The following GUCY1A2 variants were observed in gnomAD, a reference collection of about 807,000 sequenced individuals.
The protein encoded by GUCY1A2 is guanylate cyclase soluble subunit alpha-2.
Under a neutral mutation model 63.5 loss-of-function variants are expected in GUCY1A2, and 27 were observed. The ratio of observed to expected loss-of-function variants is 0.43; its 90% CI spans 0.31 to 0.59. The LOEUF (loss-of-function observed/expected upper bound fraction) is 0.59. Among genes scored for constraint, GUCY1A2 ranks in the 20% least tolerant of loss-of-function variants. The probability of loss-of-function intolerance (pLI) is 0.11; values close to 1 mark genes in which losing one functional copy is unlikely to be tolerated. For synonymous variants in GUCY1A2, 364 were observed against 343.5 expected (o/e 1.06, Z -0.66); for missense variants, 768 against 913.3 (o/e 0.84, Z 2.05).
At chr11:106,801,374 G>C (rs1407572395) in intron 5 of GUCY1A2, among the ~76,000 whole-genome samples, 1 of 152,060 alleles carries the variant, frequency 6.6e-6, no homozygotes, top group Non-Finnish European at 1.5e-5. Context: ...ATTTGTCAAA[G>C]TTGTTGGAGA....
At chr11:106,870,172 T>G (rs1434085811) in intron 4 of GUCY1A2, among the ~76,000 whole-genome samples, 1 of 151,032 alleles carries the variant, frequency 6.6e-6, no homozygotes, top group Non-Finnish European at 1.5e-5. Flanking sequence ...AGTTAATGGG[T>G]GTTGCACACC....
intron 6 of GUCY1A2, among the ~76,000 whole-genome samples, chr11:106,760,599 T>C (rs1356200212): frequency 6.6e-6 from 1 of 152,148 alleles, no homozygotes; most frequent in Non-Finnish European, 1.5e-5. Context: ...TGGTAACAAA[T>C]AGAAGAAATG....
intron 7 of GUCY1A2, among the ~76,000 whole-genome samples, chr11:106,703,528 T>C (rs931263530): frequency 1.4e-5 from 2 of 143,400 alleles, no homozygotes; most frequent in African/African-American, 2.9e-5. Context: ...GCTTTGATGA[T>C]GGAAGAAGAA....
chr11:106,701,204 T>A (rs1429333288), intron 7 of GUCY1A2, among the ~76,000 whole-genome samples: 6 of 152,148 alleles, frequency 3.9e-5, no homozygotes, highest in African/African-American at 1.4e-4. Flanking sequence ...TACAAAATGT[T>A]TTTTAGCCTC....
intron 1 of GUCY1A2, among the ~76,000 whole-genome samples, chr11:106,997,636 G>A (rs3100765): frequency 0.76 from 97,268 of 127,148 alleles, 35,380 homozygotes; most frequent in African/African-American, 0.9. Context: ...CCCCACCCGA[G>A]CAAGACTATA....
intron 7 of GUCY1A2, among the ~76,000 whole-genome samples, chr11:106,703,142 C>T (rs764200200): frequency 2.0e-5 from 3 of 152,154 alleles, no homozygotes; most frequent in African/African-American, 4.8e-5. Context: ...TGCCCTTGAA[C>T]ATTGGACTCC....
intron 3 of GUCY1A2, among the ~76,000 whole-genome samples, chr11:106,955,015 G>A (rs1489232962): frequency 1.3e-5 from 2 of 150,296 alleles, no homozygotes; most frequent in East Asian, 3.9e-4. Context: ...TTTTGCTCTT[G>A]TTGCCCAGGC....
intron 1 of GUCY1A2, among the ~76,000 whole-genome samples, chr11:107,013,339 C>A (rs1423223012): frequency 1.3e-5 from 2 of 152,180 alleles, no homozygotes; most frequent in African/African-American, 4.8e-5. Flanking sequence ...CTGACACCAG[C>A]AAACCCAAAA....
chr11:106,956,361 T>C (rs531110910), intron 3 of GUCY1A2, among the ~76,000 whole-genome samples: 2 of 152,170 alleles, frequency 1.3e-5, no homozygotes, highest in African/African-American at 2.4e-5. Context: ...CTCTGGCCTT[T>C]TGGGTTTACA....
intron 6 of GUCY1A2, among the ~76,000 whole-genome samples, chr11:106,760,110 G>A (rs1227658404): frequency 1.3e-5 from 2 of 152,120 alleles, no homozygotes; most frequent in South Asian, 2.1e-4. Context: ...AAATAAAACG[G>A]CCAACACGTT....
chr11:106,887,642 C>T (rs1460219964), intron 4 of GUCY1A2, among the ~76,000 whole-genome samples: 1 of 152,170 alleles, frequency 6.6e-6, no homozygotes, highest in African/African-American at 2.4e-5. Context: ...ACTATTGAGT[C>T]CCTTATTCCT....
At chr11:106,845,879 G>C (rs916639480) in intron 4 of GUCY1A2, among the ~76,000 whole-genome samples, 5 of 151,552 alleles carry the variant, frequency 3.3e-5, no homozygotes, top group African/African-American at 1.2e-4. Context: ...AATTACCAAA[G>C]GAAAGTTTTC....
intron 4 of GUCY1A2, among the ~76,000 whole-genome samples, chr11:106,924,771 G>A (rs567070461): frequency 1.3e-5 from 2 of 152,190 alleles, no homozygotes; most frequent in South Asian, 4.1e-4. Flanking sequence ...TTGGGAGGTC[G>A]AGGAGGGTGG....
intron 6 of GUCY1A2, among the ~76,000 whole-genome samples, chr11:106,731,183 A>C (rs185481896): frequency 3.1e-4 from 47 of 152,202 alleles, no homozygotes; most frequent in Non-Finnish European, 4.9e-4. Flanking sequence ...TTATGTCTGA[A>C]ATGGTATTTC....
intron 6 of GUCY1A2, among the ~76,000 whole-genome samples, chr11:106,769,692 C>G (rs1864222567): frequency 6.6e-6 from 1 of 152,006 alleles, no homozygotes; most frequent in Non-Finnish European, 1.5e-5. Flanking sequence ...CAATAGAACA[C>G]TGACTTATGA....
intron 1 of GUCY1A2, among the ~76,000 whole-genome samples, chr11:107,017,523 C>A (rs960542286): frequency 5.9e-5 from 9 of 152,194 alleles, no homozygotes; most frequent in African/African-American, 2.2e-4. Flanking sequence ...AATCAGGATA[C>A]CCCAAAGGAG....
At chr11:106,689,519 G>GA (rs1410957264) in intron 7 of GUCY1A2, among the ~76,000 whole-genome samples, 6 of 151,710 alleles carry the variant, frequency 4.0e-5, no homozygotes, top group South Asian at 4.2e-4. Context: ...AAATTTACAG[G>GA]AAAAAAACAC....
intron 5 of GUCY1A2, among the ~76,000 whole-genome samples, chr11:106,787,507 G>T (rs1388067819): frequency 6.4e-5 from 2 of 31,372 alleles, no homozygotes; most frequent in Non-Finnish European, 1.3e-4. Flanking sequence ...AAAGCAGCAA[G>T]AAAAAGGAAA....
rs541308869 is a variant in GUCY1A2, at chr11:106,969,454, A to T, written c.487+9165T>A. Among the ~76,000 whole-genome samples, 5 of 152,322 alleles carry T rather than the reference A, an allele frequency of 3.3e-5. No homozygotes were observed. The South Asian group carries it at 1.0e-3, about 32-fold the overall frequency. ...CACAATGGACAAAAACATCAGCCTC[A>T]TGAATGGGAAATAATTCATTTACTT... On this transcript the variant is annotated intron_variant, in intron 3 of 7. Transcript: ENST00000526355.
Sources: gnomAD v4.1 joint callset for allele counts (sites outside exome capture counted in the v4.1 genomes callset) on GRCh38, gnomAD v4.1.1 for gene constraint, MANE v1.5 for transcripts, NCBI Gene and HGNC (gene_info 2026-07-23, HGNC 2026-07-21) for gene names.